Variants in KANK1 observed in about 807,000 individuals in gnomAD.
The protein encoded by KANK1 is KN motif and ankyrin repeat domain-containing protein 1.
In KANK1, 109 loss-of-function variants were observed where a neutral mutation model predicts 106.2. The observed-to-expected ratio is 1.03, with a 90% CI of 0.88 to 1.20. The LOEUF is 1.20. Among genes scored for constraint, KANK1 ranks in the 50% most tolerant of loss-of-function variants. The pLI is 0.00. For synonymous variants in KANK1, 873 were observed against 652.2 expected (o/e 1.34, Z -5.16); for missense variants, 2,399 against 1,710.7 (o/e 1.40, Z -7.10).
chr9:730,199 G>T lies in KANK1; in HGVS notation c.2847G>T (p.Thr949=). ...ATGCCTTCCCCACTCAGGAAGGTAC[G>T]CTGTCTCCAGTGAACCTGACAGACG... The part of the protein sequence containing the change: ...SLDAFPTQEG[T]LSPVNLTDDQ... The change falls in exon 4 of 12, where the codon ACG becomes ACT. Residue 949 remains threonine (T), a synonymous_variant. Coordinates refer to ENST00000382297, the MANE Select transcript of KANK1 (RefSeq NM_015158.5). 1.2e-6 allele frequency: 2 copies of T among 1,614,062 alleles called. No homozygotes were observed. The highest frequency in any genetic ancestry group is 4.5e-5 in the East Asian group (2 of 44,894).
chr9:740,972 G>C lies in KANK1; in HGVS notation c.3696+38G>C, dbSNP rs7032867. Reference sequence around the variant, plus strand: ...GGTTCCTGTGCTCAGGAATGCACCCGTAACCAGCAGACAGGACTGCGGTGG... The same window carrying C: ...GGTTCCTGTGCTCAGGAATGCACCCCTAACCAGCAGACAGGACTGCGGTGG... On this transcript the variant is annotated intron_variant, in intron 9 of 11. Coordinates refer to ENST00000382297, the MANE Select transcript of KANK1 (RefSeq NM_015158.5). 639,729 of 1,607,452 alleles carry C rather than the reference G, an allele frequency of 0.4. 130,751 individuals are homozygous for C. Among genetic ancestry groups the C allele is most frequent in the African/African-American group, 0.49 (36,700 of 74,822 alleles).
At chr9:640,275 T>C (rs934893284) in intron 1 of KANK1, among the ~76,000 whole-genome samples, 4 of 152,102 alleles carry the variant, frequency 2.6e-5, no homozygotes, top group Admixed American at 2.0e-4. Context: ...AGAGTCTCGC[T>C]CTGTCGCCTG....
intron 1 of KANK1, among the ~76,000 whole-genome samples, chr9:521,791 C>T (rs1186745523): frequency 6.6e-6 from 1 of 151,550 alleles, no homozygotes; most frequent in African/African-American, 2.4e-5. Flanking sequence ...TGGTCTCGAA[C>T]TCCTGACCTC....
chr9:705,688 T>C (rs1352259805), intron 2 of KANK1, among the ~76,000 whole-genome samples: 1 of 151,464 alleles, frequency 6.6e-6, no homozygotes, highest in African/African-American at 2.4e-5. Flanking sequence ...AACCTTCACC[T>C]CCCAGGTTCA....
chr9:511,723 GT>G lies in KANK1; in HGVS notation c.-84+6972del, dbSNP rs1350679424. ...GTGTAAATAATATAAACAACAAAGG[GT>G]TTAAAATAAAAACAAAACTCATCAT... On this transcript the variant is annotated intron_variant, in intron 1 of 11. Coordinates refer to ENST00000382297, the MANE Select transcript of KANK1 (RefSeq NM_015158.5). Among the ~76,000 whole-genome samples, 5 of 152,210 alleles carry G rather than the reference GT, an allele frequency of 3.3e-5. No homozygotes were observed. The East Asian group carries it at 9.6e-4, about 29-fold the overall frequency.
intron 2 of KANK1, among the ~76,000 whole-genome samples, chr9:678,634 A>G (rs933928061): frequency 3.3e-5 from 5 of 152,184 alleles, no homozygotes; most frequent in African/African-American, 1.2e-4. Context: ...AGGCTAAGAC[A>G]GGAATGGCTG....
intron 3 of KANK1, among the ~76,000 whole-genome samples, chr9:725,012 C>T (rs1462908895): frequency 6.6e-6 from 1 of 152,078 alleles, no homozygotes; most frequent in Admixed American, 6.6e-5. Flanking sequence ...TAGTGTGAAA[C>T]GTTGTTTGGA....
intron 1 of KANK1, among the ~76,000 whole-genome samples, chr9:614,503 C>G (rs952252738): frequency 2.0e-5 from 3 of 152,134 alleles, no homozygotes; most frequent in Admixed American, 2.0e-4. Flanking sequence ...GATCTTGGTC[C>G]TATCCTAGTG....
At chr9:668,568 C>T (rs1845197823) in intron 1 of KANK1, among the ~76,000 whole-genome samples, 1 of 151,992 alleles carries the variant, frequency 6.6e-6, no homozygotes, top group South Asian at 2.1e-4. Flanking sequence ...TCCTGTCATC[C>T]TTTATGGTTA....
At chr9:512,517 A>T (rs1177607855) in intron 1 of KANK1, among the ~76,000 whole-genome samples, 1 of 152,098 alleles carries the variant, frequency 6.6e-6, no homozygotes, top group African/African-American at 2.4e-5. Context: ...TTTAAATGTG[A>T]ATCTCATCCA....
At chr9:693,734 T>G (rs1303464987) in intron 2 of KANK1, 23 of 985,286 alleles carry the variant, frequency 2.3e-5, no homozygotes, top group Non-Finnish European at 2.8e-5. Flanking sequence ...GAAGTTTGCC[T>G]GAGACCTGGC....
chr9:608,866 C>T lies in KANK1; in HGVS notation c.-83-68024C>T, dbSNP rs563511238. Among the ~76,000 whole-genome samples, 151 of 152,104 alleles carry T rather than the reference C, an allele frequency of 9.9e-4. 1 individual carries two copies. The highest frequency in any genetic ancestry group is 1.6e-3 in the Non-Finnish European group (110 of 68,030). On this transcript the variant is annotated intron_variant, in intron 1 of 11. Transcript: ENST00000382297. ...AATGTTGAGACTGAGTGGGATAAGG[C>T]CATGGTGACATGCATAATAGATGCA...
At chr9:721,462 T>C (rs554145989) in intron 3 of KANK1, among the ~76,000 whole-genome samples, 4 of 152,358 alleles carry the variant, frequency 2.6e-5, no homozygotes, top group African/African-American at 9.6e-5. Context: ...TGCTGCACTT[T>C]ATGCAAATAA....
intron 1 of KANK1, among the ~76,000 whole-genome samples, chr9:607,943 G>C (rs77798151): frequency 0.014 from 2,000 of 147,474 alleles, 99 homozygotes; most frequent in African/African-American, 0.047. Context: ...ACATCTCTCT[G>C]TGTGTGTGTA....
At chr9:698,765 A>G (rs1821928408) in intron 2 of KANK1, among the ~76,000 whole-genome samples, 1 of 152,186 alleles carries the variant, frequency 6.6e-6, no homozygotes, top group Non-Finnish European at 1.5e-5. Context: ...AGTTTGTTAT[A>G]CCTAGACAAA....
chr9:671,509 T>TGGTGGGCGCCTGTAGTCCCAGCTAATCG (rs145823320), intron 1 of KANK1, among the ~76,000 whole-genome samples: 1 of 144,304 alleles, frequency 6.9e-6, no homozygotes, highest in South Asian at 2.3e-4. Context: ...CTGGACGTGG[T>TGGTGGGCGCCTGTAGTCCCAGCTAATCG]GGAGGCTGAG....
In KANK1 at chr9:520,275, G is replaced by A. The variant is rs566798749; in HGVS notation, c.-84+15521G>A. ...ATCACCTCAGCCTGGGGAGGTTAAGGCTGTAGTGAGCTGTGATCATACCAC... is the reference window on the plus strand; with the variant it reads ...ATCACCTCAGCCTGGGGAGGTTAAGACTGTAGTGAGCTGTGATCATACCAC... On this transcript the variant is annotated intron_variant, in intron 1 of 11. Transcript: ENST00000382297. Among the ~76,000 whole-genome samples the A allele has an allele frequency of 8.6e-5, 13 of 151,862 alleles. No homozygotes were observed. The East Asian group carries it at 2.3e-3, about 27-fold the overall frequency.
At chr9:720,305 C>T (rs955757013) in intron 3 of KANK1, among the ~76,000 whole-genome samples, 1 of 152,164 alleles carries the variant, frequency 6.6e-6, no homozygotes, top group Non-Finnish European at 1.5e-5. Context: ...GACCAGAGTG[C>T]CAGAATTCTG....
At chr9:510,990 G>A (rs1399017787) in intron 1 of KANK1, among the ~76,000 whole-genome samples, 1 of 152,168 alleles carries the variant, frequency 6.6e-6, no homozygotes, top group Non-Finnish European at 1.5e-5. Flanking sequence ...AGGCCCTGGT[G>A]GGGGAAATCA....
Sources: gnomAD v4.1 joint callset for allele counts (sites outside exome capture counted in the v4.1 genomes callset) on GRCh38, gnomAD v4.1.1 for gene constraint, MANE v1.5 for transcripts, NCBI Gene and HGNC (gene_info 2026-07-23, HGNC 2026-07-21) for gene names.